HMG20A: variants seen among roughly 807,000 people sequenced by gnomAD.
The protein encoded by HMG20A is high mobility group protein 20A.
HMG20A carries 17 observed loss-of-function variants against 43.9 expected under a neutral mutation model. The observed-to-expected ratio is 0.39, with a 90% CI of 0.27 to 0.58. The LOEUF (loss-of-function observed/expected upper bound fraction) is 0.58, where lower values mean the gene tolerates loss of function less well. Ranked by LOEUF, HMG20A falls within the 20% of genes least tolerant of loss-of-function variation. The pLI, the probability that HMG20A is intolerant of heterozygous loss-of-function variation, is 0.59. For synonymous variants in HMG20A, 132 were observed against 147.5 expected (o/e 0.89, Z 0.76); for missense variants, 341 against 438.2 (o/e 0.78, Z 1.98).
At chr15:77,462,111 C>A (rs1296321669) in intron 2 of HMG20A, among the ~76,000 whole-genome samples, 1 of 152,170 alleles carries the variant, frequency 6.6e-6, no homozygotes, top group Admixed American at 6.5e-5. Context: ...TCATCCATTT[C>A]TCGGTCCACT....
chr15:77,485,515 T>C lies in HMG20A; in HGVS notation c.*2552T>C, dbSNP rs950808776. On this transcript the variant is annotated 3_prime_UTR_variant, in exon 10 of 10. Coordinates refer to ENST00000336216, the MANE Select transcript of HMG20A (RefSeq NM_001304504.2). ...TGCCAAGTTTTCTGTATAAGTGTTT[T>C]TGTAATTAAACTTTCAGATTTTCTT... 11 of 152,700 alleles carry C rather than the reference T, an allele frequency of 7.2e-5. No individual in the cohort carries two copies. Among genetic ancestry groups the C allele is most frequent in the African/African-American group, 2.7e-4 (11 of 41,474 alleles). 9.5% of individuals were successfully genotyped at this position (152,700 alleles called of 1,614,324 possible).
At chr15:77,431,994 A>G (rs1195627333) in intron 1 of HMG20A, among the ~76,000 whole-genome samples, 1 of 152,208 alleles carries the variant, frequency 6.6e-6, no homozygotes, top group African/African-American at 2.4e-5. Context: ...ATAGTATTCC[A>G]TTGTGCGTAT....
intron 2 of HMG20A, among the ~76,000 whole-genome samples, chr15:77,459,198 T>C (rs2072683347): frequency 1.3e-5 from 2 of 152,248 alleles, no homozygotes; most frequent in Admixed American, 1.3e-4. Flanking sequence ...TCTGTTTCCT[T>C]CCCTCACATT....
At chr15:77,440,414 A>G (rs569671983) in intron 1 of HMG20A, among the ~76,000 whole-genome samples, 23 of 152,356 alleles carry the variant, frequency 1.5e-4, no homozygotes, top group African/African-American at 5.5e-4. Flanking sequence ...GGTATTAACT[A>G]TAAATAAGTA....
downstream of HMG20A, among the ~76,000 whole-genome samples, chr15:77,487,674 GCTTTCC>G: frequency 6.6e-6 from 1 of 152,192 alleles, no homozygotes; most frequent in Non-Finnish European, 1.5e-5. Context: ...ACCAGGACAA[GCTTTCC>G]CTAAGGGTGG....
intron 1 of HMG20A, among the ~76,000 whole-genome samples, chr15:77,435,430 C>G (rs114084370): frequency 6.6e-6 from 1 of 152,038 alleles, no homozygotes; most frequent in African/African-American, 2.4e-5. Context: ...ACTACAGATG[C>G]GTGCCACCAT....
rs2072876335 is a variant in HMG20A, at chr15:77,478,423, G to A, written c.820G>A (p.Glu274Lys). 1 of 1,612,896 alleles carries A rather than the reference G, an allele frequency of 6.2e-7. No homozygotes were observed. Among genetic ancestry groups the A allele is most frequent in the East Asian group, 2.2e-5 (1 of 44,884 alleles). Residue 274 changes from glutamate to lysine, a missense_variant, in exon 8 of 10, where the codon GAG (glutamate) becomes AAG (lysine). Transcript: ENST00000336216. The stretch of plus-strand genomic sequence containing the variant: ...GAAGCTGGAGGTGGATGTGATCCAG[G>A]AGCGGAGCCGCAACACAGTCTTACA... The part of the protein sequence containing the change: ...VEKLEVDVIQ[E>K]RSRNTVLQQH...
the HMG20A span, among the ~76,000 whole-genome samples, chr15:77,491,834 A>C: frequency 6.6e-6 from 1 of 152,244 alleles, no homozygotes; most frequent in African/African-American, 2.4e-5. Context: ...GCGTGACTGG[A>C]ACACAGGTTA....
Position 77,471,766 on chromosome 15 carries a change from T to C in HMG20A, c.584-17T>C. 2 of 1,556,000 alleles carry C rather than the reference T, an allele frequency of 1.3e-6. No homozygotes were observed. Among genetic ancestry groups the C allele is most frequent in the Non-Finnish European group, 1.8e-6 (2 of 1,132,716 alleles). ...TCTTTTTAAATGTAATGTTCTCTTA[T>C]TCTTTTATATTTTTAGATGCAGCCC... On this transcript the variant is annotated splice_polypyrimidine_tract_variant and intron_variant, in intron 5 of 9. Transcript: ENST00000336216.
At chr15:77,465,108 A>G (rs2072742867) in intron 3 of HMG20A, among the ~76,000 whole-genome samples, 1 of 151,790 alleles carries the variant, frequency 6.6e-6, no homozygotes, top group Admixed American at 6.6e-5. Flanking sequence ...AAAAAATACA[A>G]AAAATTAGCC....
chr15:77,452,713 C>T (rs2072615394), intron 1 of HMG20A, among the ~76,000 whole-genome samples: 1 of 151,776 alleles, frequency 6.6e-6, no homozygotes, highest in Non-Finnish European at 1.5e-5. Context: ...TTAAATATGA[C>T]ACCTAAAGCA....
At chr15:77,507,960 A>G in the HMG20A span, among the ~76,000 whole-genome samples, 1 of 152,146 alleles carries the variant, frequency 6.6e-6, no homozygotes, top group African/African-American at 2.4e-5. Flanking sequence ...GCCCACCCCA[A>G]GCACACCTCT....
At chr15:77,457,364 A>G (rs1047469819) in intron 1 of HMG20A, among the ~76,000 whole-genome samples, 1 of 152,178 alleles carries the variant, frequency 6.6e-6, no homozygotes, top group Non-Finnish European at 1.5e-5. Flanking sequence ...GTGAATTCTC[A>G]TAATTTGCTT....
chr15:77,453,163 A>G (rs1385399089), intron 1 of HMG20A, among the ~76,000 whole-genome samples: 2 of 152,106 alleles, frequency 1.3e-5, no homozygotes, highest in Non-Finnish European at 2.9e-5. Flanking sequence ...CCCAGGAGGT[A>G]GAGGTTGCAG....
At chr15:77,438,433 A>G (rs143516285) in intron 1 of HMG20A, among the ~76,000 whole-genome samples, 5 of 152,274 alleles carry the variant, frequency 3.3e-5, no homozygotes, top group Admixed American at 3.3e-4. Flanking sequence ...TAAGTATATG[A>G]CATGTCTTTT....
In HMG20A at chr15:77,443,857, C is replaced by T. The variant is rs923690511; in HGVS notation, c.-4-14547C>T. ...TCCCTACTAGCTGGGATCACAGGCG[C>T]GTGCCCCCATGCCCAGATAATTTTT... On this transcript the variant is annotated intron_variant, in intron 1 of 9. Transcript: ENST00000336216. Among the ~76,000 whole-genome samples, 8 of 152,114 alleles carry T rather than the reference C, an allele frequency of 5.3e-5. No homozygotes were observed. The South Asian group carries it at 1.2e-3, about 24-fold the overall frequency.
At chr15:77,518,487 C>T in the HMG20A span, among the ~76,000 whole-genome samples, 11 of 152,342 alleles carry the variant, frequency 7.2e-5, no homozygotes, top group African/African-American at 2.4e-4. Context: ...GGACCTGCTA[C>T]ACCTTCCCTC....
chr15:77,505,159 A>T, the HMG20A span, among the ~76,000 whole-genome samples: 1 of 152,182 alleles, frequency 6.6e-6, no homozygotes, highest in African/African-American at 2.4e-5. Context: ...ACTGCCCACA[A>T]GTGCCCTTCC....
In HMG20A at chr15:77,472,992, A is replaced by T. The variant is rs116195253; in HGVS notation, c.615+1178A>T. 3.6e-3 allele frequency among the ~76,000 whole-genome samples: 553 copies of T among 152,346 alleles called. 2 individuals are homozygous for T. Among genetic ancestry groups the T allele is most frequent in the African/African-American group, 0.011 (440 of 41,574 alleles). ...ATGATTATTTTATGGAATCTATTCAAAGTTGACCTGAAATAACTGAGAATT... is the reference window on the plus strand; with the variant it reads ...ATGATTATTTTATGGAATCTATTCATAGTTGACCTGAAATAACTGAGAATT... On this transcript the variant is annotated intron_variant, in intron 6 of 9. Coordinates refer to ENST00000336216, the MANE Select transcript of HMG20A (RefSeq NM_001304504.2).
Sources: gnomAD v4.1 joint callset for allele counts (sites outside exome capture counted in the v4.1 genomes callset) on GRCh38, gnomAD v4.1.1 for gene constraint, MANE v1.5 for transcripts, NCBI Gene and HGNC (gene_info 2026-07-23, HGNC 2026-07-21) for gene names.